Variants in PCDHA9 observed in about 807,000 individuals in gnomAD.
The protein encoded by PCDHA9 is protocadherin alpha-9.
A neutral mutation model predicts 62.0 loss-of-function variants in PCDHA9; 62 were observed. That is an observed-to-expected ratio of 1.00 (90% confidence interval 0.81 to 1.23). The LOEUF (loss-of-function observed/expected upper bound fraction) is 1.23, where lower values mean the gene tolerates loss of function less well. PCDHA9 is among the 50% of genes most tolerant of loss of function. The pLI is 0.00. For missense variants in PCDHA9, 1,205 were observed against 1,249.8 expected (o/e 0.96, Z 0.54); for synonymous variants, 557 against 567.6 (o/e 0.98, Z 0.27).
chr5:140,885,161 T>C (rs1554182019), intron 1 of PCDHA9, among the ~76,000 whole-genome samples: 1 of 151,600 alleles, frequency 6.6e-6, no homozygotes, highest in Non-Finnish European at 1.5e-5. Flanking sequence ...TTGTCTCTAC[T>C]TTTTTGTCCT....
chr5:140,861,534 A>G lies in PCDHA9; in HGVS notation c.2394+10645A>G, dbSNP rs1004709017. ...GCTGTGTGGGAGGATCTCGGAGTGCAGCATCCACCTGGAAGTGATCGTGGA... is the reference window on the plus strand; with the variant it reads ...GCTGTGTGGGAGGATCTCGGAGTGCGGCATCCACCTGGAAGTGATCGTGGA... On this transcript the variant is annotated intron_variant, in intron 1 of 3. Coordinates refer to ENST00000532602, the MANE Select transcript of PCDHA9 (RefSeq NM_031857.2). The G allele has an allele frequency of 4.9e-5, 22 of 448,754 alleles. No individual in the cohort carries two copies. The Middle Eastern group carries it at 3.2e-3, about 66-fold the overall frequency. The allele number at this position is 448,754 out of a possible 1,614,324, so 27.8% of individuals were successfully genotyped here.
At chr5:140,942,541 G>T (rs1241528363) in intron 1 of PCDHA9, among the ~76,000 whole-genome samples, 1 of 152,056 alleles carries the variant, frequency 6.6e-6, no homozygotes, top group Non-Finnish European at 1.5e-5. Context: ...CAGTATGGTG[G>T]GGGGTAGGGG....
intron 1 of PCDHA9, chr5:140,877,704 C>A: frequency 6.2e-7 from 1 of 1,613,954 alleles, no homozygotes; most frequent in Non-Finnish European, 8.5e-7. Context: ...GCTCCAGCGC[C>A]GTGGGGAGTT....
rs782580460 is a variant in PCDHA9, at chr5:140,875,923, C to T, written c.2394+25034C>T. 1.2e-5 allele frequency: 20 copies of T among 1,614,184 alleles called. 1 individual carries two copies. The South Asian group carries it at 2.1e-4, about 17-fold the overall frequency. On this transcript the variant is annotated intron_variant, in intron 1 of 3. Coordinates refer to ENST00000532602, the MANE Select transcript of PCDHA9 (RefSeq NM_031857.2). ...TTCTGAATCTGCGCCTCTGGACTCT[C>T]ATTTTCCTCTAGAGGGCGCTTCTGA...
At chr5:140,933,119 G>A (rs782069505) in intron 1 of PCDHA9, among the ~76,000 whole-genome samples, 1 of 151,936 alleles carries the variant, frequency 6.6e-6, no homozygotes, top group African/African-American at 2.4e-5. Context: ...AAGAAACAAA[G>A]CTAAATAATA....
At chr5:140,967,123 C>T in intron 1 of PCDHA9, 1 of 1,612,724 alleles carries the variant, frequency 6.2e-7, no homozygotes, top group Non-Finnish European at 8.5e-7. Context: ...GCTGCCTGCT[C>T]AGCTTGGAAG....
chr5:140,967,218 C>T, intron 1 of PCDHA9: 3 of 1,613,744 alleles, frequency 1.9e-6, no homozygotes, highest in South Asian at 1.1e-5. Flanking sequence ...TTCCCGCGGC[C>T]CAACTACCAG....
Position 140,853,605 on chromosome 5 carries a change from G to A in PCDHA9, c.2394+2716G>A, listed in dbSNP as rs773791072. ...TCTTAGACACTTTGAGAGCAAAGGG[G>A]GTGCTGTAAATAAGTATACAAGATC... On this transcript the variant is annotated intron_variant, in intron 1 of 3. Transcript: ENST00000532602. 143 of 987,206 alleles carry A rather than the reference G, an allele frequency of 1.4e-4. 19 individuals carry two copies. The highest frequency in any genetic ancestry group is 1.7e-4 in the Non-Finnish European group (138 of 819,622). 61.2% of individuals were successfully genotyped at this position (987,206 alleles called of 1,614,324 possible). A position where few individuals can be genotyped will look rare whatever the true frequency, so the allele number is the denominator to read the frequency against.
intron 1 of PCDHA9, chr5:140,860,966 T>A (rs2046677867): frequency 6.6e-6 from 1 of 152,238 alleles, no homozygotes; most frequent in African/African-American, 2.4e-5. Context: ...CTAGATCTCC[T>A]GACCTCGTGA....
intron 1 of PCDHA9, chr5:140,969,097 C>G (rs2096295003): frequency 6.2e-7 from 1 of 1,614,072 alleles, no homozygotes; most frequent in African/African-American, 1.3e-5. Flanking sequence ...TGCAGCCTCA[C>G]TTCATTGAAG....
intron 1 of PCDHA9, chr5:140,853,187 G>A: frequency 1.0e-6 from 1 of 979,936 alleles, no homozygotes; most frequent in Non-Finnish European, 1.2e-6. Flanking sequence ...CCTAAAATGT[G>A]TTCTTTATTA....
Position 140,848,909 on chromosome 5 carries a change from G to T in PCDHA9, c.414G>T (p.Lys138Asn), listed in dbSNP as rs2150424301. 6.2e-5 allele frequency: 99 copies of T among 1,608,232 alleles called. No individual in the cohort carries two copies. The African/African-American group carries it at 1.2e-3, about 19-fold the overall frequency. ...CTCCAGTGTTCCCAGCGACACAAAA[G>T]AATCTGTTCATCGCGGAATCCAGGC... Reference protein sequence around the residue: ...DNPPVFPATQKNLFIAESRPL... With the variant: ...DNPPVFPATQNNLFIAESRPL... Residue 138 changes from lysine (K) to asparagine (N), a missense_variant, in exon 1 of 4, where the codon AAG (lysine) becomes AAT (asparagine). Around this residue, in one of 3 missense-constraint regions of PCDHA9, gnomAD observed 208 missense variants for 213.2 expected, o/e 0.98. Transcript: ENST00000532602.
chr5:140,906,050 G>T (rs560570961), intron 1 of PCDHA9, among the ~76,000 whole-genome samples: 2 of 152,268 alleles, frequency 1.3e-5, no homozygotes, highest in African/African-American at 4.8e-5. Flanking sequence ...TATTCTGGCT[G>T]CACTGGCAGC....
chr5:141,010,034 A>G lies in PCDHA9; in HGVS notation c.*97A>G. On this transcript the variant is annotated 3_prime_UTR_variant, in exon 4 of 4. Transcript: ENST00000532602. Reference sequence around the variant, plus strand: ...CCTGCTCCTTTTTCCTATCTACATGAGCCCTCTTAGAGACCTCAGAAATCT... The same window carrying G: ...CCTGCTCCTTTTTCCTATCTACATGGGCCCTCTTAGAGACCTCAGAAATCT... 6.3e-7 allele frequency: 1 copy of G among 1,582,208 alleles called. No individual in the cohort carries two copies.
chr5:140,883,315 G>A (rs782377860), intron 1 of PCDHA9: 1 of 1,614,104 alleles, frequency 6.2e-7, no homozygotes, highest in Admixed American at 1.7e-5. Flanking sequence ...ACGCCCCAGA[G>A]GTTACCATCA....
At chr5:140,970,221 C>G (rs2096390879) in intron 1 of PCDHA9, among the ~76,000 whole-genome samples, 1 of 152,182 alleles carries the variant, frequency 6.6e-6, no homozygotes, top group South Asian at 2.1e-4. Context: ...TTAAATGCAG[C>G]CTGTAATCTT....
At chr5:140,902,647 G>T (rs1286700570) in intron 1 of PCDHA9, among the ~76,000 whole-genome samples, 3 of 150,932 alleles carry the variant, frequency 2.0e-5, no homozygotes, top group African/African-American at 7.3e-5. Context: ...CTGAGATTTT[G>T]GTGCACCTGT....
chr5:140,870,695 A>C, intron 1 of PCDHA9: 1 of 1,613,024 alleles, frequency 6.2e-7, no homozygotes, highest in East Asian at 2.2e-5. Context: ...GAGCTGCTAC[A>C]GTTCCAGGTG....
At chr5:140,998,199 C>A (rs1472137266) in intron 3 of PCDHA9, among the ~76,000 whole-genome samples, 2 of 152,172 alleles carry the variant, frequency 1.3e-5, no homozygotes, top group Non-Finnish European at 2.9e-5. Flanking sequence ...GTATTAACTC[C>A]TTTAATCTGT....
Sources: gnomAD v4.1 joint callset for allele counts (sites outside exome capture counted in the v4.1 genomes callset) on GRCh38, gnomAD v4.1.1 for gene constraint, gnomAD v4.1.1 regional missense constraint, MANE v1.5 for transcripts, NCBI Gene and HGNC (gene_info 2026-07-23, HGNC 2026-07-21) for gene names.